The following COX15 variants were observed in gnomAD, a reference collection of about 807,000 sequenced individuals.
COX15 encodes the protein cytochrome c oxidase assembly factor COX15.
A neutral mutation model predicts 51.9 loss-of-function variants in COX15; 51 were observed. That is an observed-to-expected ratio of 0.98 (90% CI 0.78 to 1.24). COX15 has a LOEUF of 1.24. Ranked by LOEUF, COX15 falls within the 50% of genes most tolerant of loss-of-function variation. The probability of loss-of-function intolerance (pLI) is 0.00; values close to 1 mark genes in which losing one functional copy is unlikely to be tolerated. For missense variants in COX15, 420 were observed against 501.1 expected (o/e 0.84, Z 1.55); for synonymous variants, 188 against 190.5 (o/e 0.99, Z 0.11).
chr10:99,700,449 TTGTC>T, the COX15 span, among the ~76,000 whole-genome samples: 1 of 150,420 alleles, frequency 6.6e-6, no homozygotes, highest in African/African-American at 2.5e-5. Context: ...TGTGTGTTTA[TTGTC>T]TGTCTCCTAC....
chr10:99,695,944 A>T, the COX15 span: 4 of 1,599,572 alleles, frequency 2.5e-6, no homozygotes, highest in Admixed American at 3.5e-5. Flanking sequence ...TTCTCTTGGT[A>T]TTGTATTATA....
chr10:99,723,922 G>C (rs1564648207), intron 5 of COX15, 34 bp downstream of exon 5: 1 of 1,609,606 alleles, frequency 6.2e-7, no homozygotes, highest in East Asian at 2.2e-5. Context: ...CAAAAGCGGG[G>C]TCTTGAACAC....
the COX15 span, chr10:99,705,805 T>A: frequency 9.2e-5 from 14 of 152,352 alleles, no homozygotes; most frequent in African/African-American, 2.9e-4. Flanking sequence ...TTTCAGAACC[T>A]CTATTAAGAG....
intron 1 of COX15, among the ~76,000 whole-genome samples, chr10:99,731,405 C>T (rs2037140578): frequency 1.3e-5 from 2 of 152,132 alleles, no homozygotes; most frequent in East Asian, 3.9e-4. Context: ...TTTCTTTTTC[C>T]AGTTCCTAAT....
downstream of COX15, chr10:99,710,057 T>C: frequency 1.0e-6 from 1 of 985,424 alleles, no homozygotes; most frequent in Admixed American, 6.1e-5. Context: ...CATGCATGAC[T>C]TCAGGCTAGC....
chr10:99,695,915 C>G, the COX15 span: 1 of 1,569,030 alleles, frequency 6.4e-7, no homozygotes, highest in African/African-American at 1.4e-5. Flanking sequence ...AGAAGGCAAC[C>G]AAAACTAAAA....
chr10:99,716,210 T>C, intron 8 of COX15, 138 bp downstream of exon 8: 2 of 713,228 alleles, frequency 2.8e-6, no homozygotes, highest in East Asian at 5.3e-5. Flanking sequence ...CCCAGGCTAG[T>C]CTTGAATTCC....
intron 8 of COX15, 44 bp from the exon 9 acceptor site, chr10:99,714,762 A>G (rs756187279): frequency 3.7e-6 from 6 of 1,609,454 alleles, no homozygotes; most frequent in Middle Eastern, 2.2e-4. Context: ...AGTAACCCAA[A>G]GTTCACATTG....
chr10:99,721,094 T>C (rs1354609418), intron 5 of COX15, 26 bp from the exon 6 acceptor site: 6 of 1,579,000 alleles, frequency 3.8e-6, no homozygotes, highest in Non-Finnish European at 5.2e-6. Context: ...AATCATTCAG[T>C]TAAACTGTGT....
At chr10:99,718,858 T>C (rs1442665352) in intron 6 of COX15, among the ~76,000 whole-genome samples, 1 of 152,164 alleles carries the variant, frequency 6.6e-6, no homozygotes, top group Non-Finnish European at 1.5e-5. Context: ...ATTTTAGAAA[T>C]GCTCTCCCAC....
intron 2 of COX15, among the ~76,000 whole-genome samples, chr10:99,728,830 AG>A (rs762443235): frequency 7.9e-5 from 12 of 152,356 alleles, no homozygotes; most frequent in Admixed American, 6.5e-4. Context: ...CAACTAGAAG[AG>A]GGGGAAAGGG....
the COX15 span, among the ~76,000 whole-genome samples, chr10:99,696,798 C>G: frequency 6.6e-6 from 1 of 152,096 alleles, no homozygotes; most frequent in African/African-American, 2.4e-5. Flanking sequence ...AGTTCTTTTC[C>G]ATCATTAAAT....
chr10:99,697,635 A>C, the COX15 span: 1 of 156,564 alleles, frequency 6.4e-6, no homozygotes, highest in African/African-American at 2.4e-5. Context: ...CAATTTTCTG[A>C]GTTTTCCTTA....
At position 99,711,353 on chromosome 10, in the gene COX15, C is replaced by G. The variant is rs923218858; in HGVS notation, c.*3234G>C. 3.0e-6 allele frequency: 3 copies of G among 985,282 alleles called. No individual in the cohort carries two copies. Among genetic ancestry groups the G allele is most frequent in the Admixed American group, 1.2e-4 (2 of 16,244 alleles). The allele number at this position is 985,282 out of a possible 1,614,324, so 61.0% of individuals were successfully genotyped here. ...GACTCAGTTACTAACTAAGGACAAC[C>G]TGGGTTTGAGGATCAGGAGAGGATG... is the stretch of plus-strand genomic sequence containing the variant. On this transcript the variant is annotated 3_prime_UTR_variant, in exon 9 of 9. Transcript: ENST00000016171.
At chr10:99,728,157 A>G (rs1184843270) in intron 2 of COX15, among the ~76,000 whole-genome samples, 2 of 152,234 alleles carry the variant, frequency 1.3e-5, no homozygotes, top group Non-Finnish European at 2.9e-5. Context: ...CAAGAAATGC[A>G]CAAGATGAGC....
chr10:99,709,903 A>G, downstream of COX15: 1 of 985,466 alleles, frequency 1.0e-6, no homozygotes. Context: ...TCTGAGCAAT[A>G]CGGAGATCCT....
chr10:99,727,184 G>A (rs1418504878), intron 3 of COX15, 30 bp from the exon 4 acceptor site: 1 of 1,608,836 alleles, frequency 6.2e-7, no homozygotes, highest in South Asian at 1.1e-5. Flanking sequence ...AAAAAAGGAG[G>A]AGGAGGAAAC....
In COX15 at chr10:99,714,647, G is replaced by A. The variant is rs1216598418; in HGVS notation, c.1173C>T (p.Ser391=). The change falls in exon 9 of 9, where the codon TCC becomes TCT. Residue 391 remains serine (S), a synonymous_variant. Transcript: ENST00000016171. The stretch of plus-strand genomic sequence containing the variant: ...AAAGAGCACCAGTGAGCAAAGCCAA[G>A]GAGCCTGACTGGTGAGTGGCGGCCA... The part of the protein sequence containing the change: ...TPLAATHQSG[S]LALLTGALWL... The A allele has an allele frequency of 6.2e-7, 1 of 1,614,146 alleles. No homozygotes were observed. Among genetic ancestry groups the A allele is most frequent in the East Asian group, 2.2e-5 (1 of 44,870 alleles).
downstream of COX15, chr10:99,710,764 C>T (rs2036356242): frequency 1.0e-6 from 1 of 985,376 alleles, no homozygotes; most frequent in Non-Finnish European, 1.2e-6. Context: ...CAGTGTTGAT[C>T]TCTGCAACCA....
Sources: gnomAD v4.1 joint callset for allele counts (sites outside exome capture counted in the v4.1 genomes callset) on GRCh38, gnomAD v4.1.1 for gene constraint, MANE v1.5 for transcripts, NCBI Gene and HGNC (gene_info 2026-07-23, HGNC 2026-07-21) for gene names.